MCM7: variants seen among roughly 807,000 people sequenced by gnomAD.
MCM7 encodes the protein minichromosome maintenance complex component 7.
Under a neutral mutation model 83.5 loss-of-function variants are expected in MCM7, and 95 were observed. The observed-to-expected ratio is 1.14, with a 90% confidence interval of 0.96 to 1.35. MCM7 has a LOEUF of 1.35. Ranked by LOEUF, MCM7 falls within the 40% of genes most tolerant of loss-of-function variation. The probability of loss-of-function intolerance (pLI) is 0.00; values close to 1 mark genes in which losing one functional copy is unlikely to be tolerated. For missense variants in MCM7, 1,087 were observed against 957.4 expected, an observed-to-expected ratio of 1.14 and a Z score of -1.79; for synonymous variants, 461 against 352.7, an observed-to-expected ratio of 1.31 and a Z score of -3.44.
chr7:100,101,131 C>T, intron 1 of MCM7, 133 bp downstream of exon 1: 1 of 1,153,046 alleles, frequency 8.7e-7, no homozygotes, highest in Non-Finnish European at 1.3e-6. Context: ...CAGGCCGCAG[C>T]TCGACCCTGC....
At chr7:100,096,929 G>A (rs1357195843) in intron 10 of MCM7, among the ~76,000 whole-genome samples, 8 of 151,222 alleles carry the variant, frequency 5.3e-5, no homozygotes, top group Non-Finnish European at 7.4e-5. Context: ...GTGAAACCCC[G>A]TCTCTATTAA....
Position 100,095,905 on chromosome 7 carries a change from G to C in MCM7, c.1464C>G (p.Ala488=). 6.2e-7 allele frequency: 1 copy of C among 1,614,012 alleles called. No homozygotes were observed. Among genetic ancestry groups the C allele is most frequent in the Non-Finnish European group, 8.5e-7 (1 of 1,180,010 alleles). ...GGTTGTAGCGCCCGTAGGCAGGGTT[G>C]GCGGCAGCCAGGATGGAGCAGCGGG... ...LNARCSILAA[A]NPAYGRYNPR... is the part of the protein sequence containing the mutation. The change falls in exon 11 of 15, where the codon GCC becomes GCG. Residue 488 remains alanine, a synonymous_variant. Transcript: ENST00000303887.
intron 11 of MCM7, 146 bp from the exon 12 acceptor site, chr7:100,095,616 CA>C: frequency 2.3e-6 from 3 of 1,313,396 alleles, no homozygotes; most frequent in Non-Finnish European, 2.1e-6. Flanking sequence ...ATTTCAGCCC[CA>C]ACCCACCATT....
At chr7:100,093,241 T>C in intron 14 of MCM7, 51 bp downstream of exon 14, 1 of 1,598,026 alleles carries the variant, frequency 6.3e-7, no homozygotes, top group Non-Finnish European at 8.6e-7. Context: ...CTCAGACACA[T>C]GGCCACAGAA....
At chr7:100,100,700 C>A (rs372993131) in intron 1 of MCM7, 21 of 990,016 alleles carry the variant, frequency 2.1e-5, no homozygotes, top group South Asian at 4.5e-5. Context: ...GGCACGCCCC[C>A]CCGGGCCGCA....
At chr7:100,093,956 G>A (rs991591296) in intron 13 of MCM7, 2 of 732,670 alleles carry the variant, frequency 2.7e-6, no homozygotes, top group East Asian at 2.6e-5. Flanking sequence ...TTAAGAAGTG[G>A]GGAAAAGGCC....
At chr7:100,094,074 G>C in intron 13 of MCM7, 99 bp downstream of exon 13, 2 of 1,466,002 alleles carry the variant, frequency 1.4e-6, no homozygotes, top group Admixed American at 1.7e-5. Flanking sequence ...GCCCCGGCAG[G>C]GCTGGAGCGG....
At chr7:100,100,756 C>T (rs534866221) in intron 1 of MCM7, 3 of 992,038 alleles carry the variant, frequency 3.0e-6, no homozygotes, top group Middle Eastern at 1.0e-3. Context: ...TTACACGACA[C>T]TCCCTCCAGC....
chr7:100,100,449 C>A, intron 1 of MCM7: 1 of 1,004,514 alleles, frequency 1.0e-6, no homozygotes, highest in Non-Finnish European at 1.2e-6. Flanking sequence ...TCCCCTTAGC[C>A]CCTGATTTCA....
chr7:100,096,372 G>T (rs1420072176), intron 10 of MCM7, among the ~76,000 whole-genome samples: 1 of 152,116 alleles, frequency 6.6e-6, no homozygotes, highest in Non-Finnish European at 1.5e-5. Context: ...ACACAACTGT[G>T]GCTCACTGAA....
intron 5 of MCM7, 35 bp downstream of exon 5, chr7:100,098,988 G>T (rs1584494509): frequency 1.2e-6 from 2 of 1,611,658 alleles, no homozygotes; most frequent in East Asian, 4.5e-5. Flanking sequence ...ACAACTAATG[G>T]GTAAGTGCTT....
intron 13 of MCM7, chr7:100,093,843 C>T (rs1270151368): frequency 1.6e-6 from 1 of 636,778 alleles, no homozygotes; most frequent in Non-Finnish European, 3.1e-6. Context: ...CTTTGGAGCC[C>T]CCAGGACTGA....
chr7:100,096,182 A>G lies in MCM7; in HGVS notation c.1202-15T>C, dbSNP rs1795625393. 2 of 1,546,838 alleles carry G rather than the reference A, an allele frequency of 1.3e-6. No homozygotes were observed. The highest frequency in any genetic ancestry group is 1.2e-5 in the South Asian group (1 of 81,390). On this transcript the variant is annotated splice_polypyrimidine_tract_variant and intron_variant, in intron 10 of 14. Transcript: ENST00000303887. ...TGTGTACTGGCCTGGAAGAGAAGAA[A>G]TAAGGAACCATGAGAGAGAAAGAAC... is the stretch of plus-strand genomic sequence containing the variant.
Position 100,095,476 on chromosome 7 carries a change from C to G in MCM7, c.1596-6G>C, listed in dbSNP as rs1390625134. ...AGGTGATGTGCTGGGCCAACCTGGA[C>G]AGAGGGAAGGTTAGAAGGAACACCC... is the stretch of plus-strand genomic sequence containing the variant. On this transcript the variant is annotated splice_region_variant and splice_polypyrimidine_tract_variant and intron_variant, in intron 11 of 14. Transcript: ENST00000303887. 9 of 1,613,796 alleles carry G rather than the reference C, an allele frequency of 5.6e-6. No homozygotes were observed. The highest frequency in any genetic ancestry group is 5.9e-6 in the Non-Finnish European group (7 of 1,179,822).
At position 100,100,701 on chromosome 7, in the gene MCM7, C is replaced by T. The variant is rs571057481; in HGVS notation, c.31+563G>A. 2.6e-5 allele frequency: 26 copies of T among 990,122 alleles called. No homozygotes were observed. The African/African-American group carries it at 4.5e-4, about 17-fold the overall frequency. 61.3% of individuals were successfully genotyped at this position (990,122 alleles called of 1,614,324 possible). ...AGCTCCGGATCCCAGGCACGCCCCC[C>T]CGGGCCGCAGCTCTCTCCGCGGCCG... On this transcript the variant is annotated intron_variant, in intron 1 of 14. Coordinates refer to ENST00000303887, the MANE Select transcript of MCM7 (RefSeq NM_005916.5).
In MCM7 at chr7:100,100,068, C is replaced by G; in HGVS notation, c.57G>C (p.Glu19Asp). Residue 19 changes from glutamate (E) to aspartate (D), a missense_variant, in exon 2 of 15, where the codon GAG becomes GAC. Transcript: ENST00000303887. ...TCCCGAGTTCATCATCCTGGTAGAA[C>G]TCTTGTAAGAACTTCTTAACCTTTT... ...EKEKVKKFLQ[E>D]FYQDDELGKK... 6.2e-7 allele frequency: 1 copy of G among 1,614,168 alleles called. No individual in the cohort carries two copies. Among genetic ancestry groups the G allele is most frequent in the East Asian group, 2.2e-5 (1 of 44,888 alleles).
chr7:100,095,937 G>C lies in MCM7; in HGVS notation c.1432C>G (p.Leu478Val). The C allele has an allele frequency of 6.2e-7, 1 of 1,614,104 alleles. No homozygotes were observed. The highest frequency in any genetic ancestry group is 1.1e-5 in the South Asian group (1 of 91,088). The change falls in exon 11 of 15, where the codon CTC becomes GTC. Residue 478 changes from leucine to valine, a missense_variant. Physicochemically the swap from Leu to Val is conservative, Grantham distance 32. Coordinates refer to ENST00000303887, the MANE Select transcript of MCM7 (RefSeq NM_005916.5). Reference sequence around the variant, plus strand: ...GCCAGGATGGAGCAGCGGGCATTGAGTGTGGTGAGAATGCCGGCCTTGGCA... The same window carrying C: ...GCCAGGATGGAGCAGCGGGCATTGACTGTGGTGAGAATGCCGGCCTTGGCA... ...SIAKAGILTTLNARCSILAAA... is the reference protein window; with the variant it reads ...SIAKAGILTTVNARCSILAAA...
intron 10 of MCM7, 93 bp from the exon 11 acceptor site, chr7:100,096,260 G>A (rs1307906506): frequency 3.2e-5 from 41 of 1,293,444 alleles, no homozygotes; most frequent in Non-Finnish European, 4.0e-5. Context: ...CGAGGCCTGC[G>A]CTGGGATCAT....
chr7:100,100,047 G>C lies in MCM7; in HGVS notation c.78C>G (p.Leu26=). The change falls in exon 2 of 15, where the codon CTC becomes CTG. Residue 26 remains leucine, a synonymous_variant. Coordinates refer to ENST00000303887, the MANE Select transcript of MCM7 (RefSeq NM_005916.5). ...FLQEFYQDDE[L]GKKQFKYGNQ... is the part of the protein sequence containing the mutation. Reference sequence around the variant, plus strand: ...TCCCATACTTGAACTGCTTCTTCCCGAGTTCATCATCCTGGTAGAACTCTT... The same window carrying C: ...TCCCATACTTGAACTGCTTCTTCCCCAGTTCATCATCCTGGTAGAACTCTT... 2 of 1,613,998 alleles carry C rather than the reference G, an allele frequency of 1.2e-6. No homozygotes were observed. Among genetic ancestry groups the C allele is most frequent in the Non-Finnish European group, 8.5e-7 (1 of 1,179,956 alleles).
Sources: allele counts gnomAD v4.1 joint callset (sites outside exome capture counted in the v4.1 genomes callset), GRCh38; gene constraint gnomAD v4.1.1; transcripts MANE v1.5; gene names NCBI Gene and HGNC (gene_info 2026-07-23, HGNC 2026-07-21).